The following CDCA5 variants were observed in gnomAD, a reference collection of about 807,000 sequenced individuals.
The protein encoded by CDCA5 is sororin.
CDCA5 carries 14 observed loss-of-function variants against 25.7 expected under a neutral mutation model. The ratio of observed to expected loss-of-function variants is 0.54; its 90% CI spans 0.36 to 0.85. The LOEUF (loss-of-function observed/expected upper bound fraction) is 0.85, where lower values mean the gene tolerates loss of function less well. Among genes scored for constraint, CDCA5 ranks in the 40% least tolerant of loss-of-function variants. The probability of loss-of-function intolerance (pLI) is 0.01; values close to 1 mark genes in which losing one functional copy is unlikely to be tolerated. For missense variants in CDCA5, 307 were observed against 324.5 expected, an observed-to-expected ratio of 0.95 and a Z score of 0.41; for synonymous variants, 127 against 128.7, an observed-to-expected ratio of 0.99 and a Z score of 0.09.
At chr11:65,061,793 A>AC (rs1456794022), downstream of CDCA5, among the ~76,000 whole-genome samples, 6 of 151,020 alleles carry the variant, frequency 4.0e-5, no homozygotes, top group African/African-American at 1.2e-4. Flanking sequence ...AAAAAAAAAA[A>AC]AACAAAAAAA....
Position 65,079,512 on chromosome 11 carries a change from C to T in CDCA5, c.519G>A (p.Gly173=), listed in dbSNP as rs145959973. 4,179 of 1,614,054 alleles carry T rather than the reference C, an allele frequency of 2.6e-3. 9 individuals are homozygous for T. The highest frequency in any genetic ancestry group is 3.4e-3 in the Non-Finnish European group (4,044 of 1,180,030). Residue 173 remains glycine, a synonymous_variant, in exon 5 of 6, where the codon GGG becomes GGA. Transcript: ENST00000275517. ...RSCFGFEGLL[G]AEDLSGVSPV... ...GCGAGACTCCGGACAAGTCTTCTGCCCCCAGCAGCCCCTCGAAGCCAAAGC... is the reference window on the plus strand; with the variant it reads ...GCGAGACTCCGGACAAGTCTTCTGCTCCCAGCAGCCCCTCGAAGCCAAAGC...
Position 65,066,874 on chromosome 11 carries a change from CGA to C in CDCA5, c.372_373del (p.Arg125GlyfsTer26). The C allele has an allele frequency of 4.7e-6, 6 of 1,289,310 alleles. No homozygotes were observed. Among genetic ancestry groups the C allele is most frequent in the Non-Finnish European group, 6.1e-6 (6 of 988,834 alleles). The allele number at this position is 1,289,310 out of a possible 1,614,324, so 79.9% of individuals were successfully genotyped here. A position where few individuals can be genotyped will look rare whatever the true frequency, so the allele number is the denominator to read the frequency against. On this transcript the variant is annotated frameshift_variant, in exon 5 of 7. Coordinates refer to the CDCA5 transcript ENST00000525464. LOFTEE classifies it high-confidence loss of function. ...CACTTGGGTGGTGTTCAGTGACTCC[CGA>C]AGCCTAGGGTTGAAAAACAGACCCC...
intron 1 of CDCA5, among the ~76,000 whole-genome samples, chr11:65,068,854 T>G (rs1947290864): frequency 6.6e-6 from 1 of 152,240 alleles, no homozygotes; most frequent in Non-Finnish European, 1.5e-5. Context: ...TGGGATATAC[T>G]TACACTAAAA....
intron 4 of CDCA5, among the ~76,000 whole-genome samples, chr11:65,080,326 C>T (rs1947540208): frequency 6.6e-6 from 1 of 152,234 alleles, no homozygotes; most frequent in Non-Finnish European, 1.5e-5. Context: ...GGTGCTGTCG[C>T]TTGTTTCCAA....
At chr11:65,081,721 T>A (rs1347416651) in intron 4 of CDCA5, among the ~76,000 whole-genome samples, 4 of 152,034 alleles carry the variant, frequency 2.6e-5, no homozygotes, top group Non-Finnish European at 5.9e-5. Flanking sequence ...ATCCCAACAC[T>A]TTAGGAGGCC....
chr11:65,064,791 C>G (rs572207095), downstream of CDCA5, among the ~76,000 whole-genome samples: 1,124 of 152,154 alleles, frequency 7.4e-3, 17 homozygotes, highest in Non-Finnish European at 8.1e-3. Context: ...CAGGCTGAGG[C>G]GGGAGGATTC....
chr11:65,062,398 C>A (rs1399577599), downstream of CDCA5, among the ~76,000 whole-genome samples: 1 of 152,176 alleles, frequency 6.6e-6, no homozygotes, highest in Non-Finnish European at 1.5e-5. Flanking sequence ...GCCATAGAGC[C>A]CTTCATGTCT....
At position 65,079,415 on chromosome 11, in the gene CDCA5, G is replaced by A. The variant is rs766423263; in HGVS notation, c.616C>T (p.Pro206Ser). 2.8e-5 allele frequency: 45 copies of A among 1,613,904 alleles called. No homozygotes were observed. The highest frequency in any genetic ancestry group is 4.0e-5 in the African/African-American group (3 of 74,868). The part of the protein sequence containing the change: ...AKPWAPDMTL[P>S]GISPPPEKQK... ...TTCTCGGGTGGTGGGGAGATTCCAG[G>A]GAGAGTCATGTCTGGGGCCCAGGGC... The change falls in exon 5 of 6, where the codon CCT becomes TCT. Residue 206 changes from proline (P) to serine (S), a missense_variant. By Grantham distance (74) the Pro-to-Ser change is moderately conservative. Coordinates refer to ENST00000275517, the MANE Select transcript of CDCA5 (RefSeq NM_080668.4).
chr11:65,078,090 GC>G lies in CDCA5; in HGVS notation c.*1016del, dbSNP rs1947482182. The G allele has an allele frequency of 2.0e-6, 2 of 985,392 alleles. No homozygotes were observed. The highest frequency in any genetic ancestry group is 2.4e-6 in the Non-Finnish European group (2 of 829,958). The allele number at this position is 985,392 out of a possible 1,614,324, so 61.0% of individuals were successfully genotyped here. A position where few individuals can be genotyped will look rare whatever the true frequency, so the allele number is the denominator to read the frequency against. Reference sequence around the variant, plus strand: ...AGGCCAAAAACTAAAATTGCTATCAGCCCCCGCCGCTGTCTGGTACGCGAGG... The same window carrying G: ...AGGCCAAAAACTAAAATTGCTATCAGCCCCGCCGCTGTCTGGTACGCGAGG... On this transcript the variant is annotated 3_prime_UTR_variant, in exon 6 of 6. Coordinates refer to ENST00000275517, the MANE Select transcript of CDCA5 (RefSeq NM_080668.4).
At chr11:65,081,920 G>T (rs1947575167) in intron 4 of CDCA5, among the ~76,000 whole-genome samples, 1 of 152,188 alleles carries the variant, frequency 6.6e-6, no homozygotes, top group African/African-American at 2.4e-5. Flanking sequence ...TCTCGCCACT[G>T]CACTCCAGCC....
intron 1 of CDCA5, chr11:65,068,621 G>C (rs564507883): frequency 3.2e-6 from 4 of 1,257,262 alleles, no homozygotes; most frequent in Non-Finnish European, 4.2e-6. Flanking sequence ...ACAGAAGCCT[G>C]CTAGTCACTC....
In CDCA5 at chr11:65,079,095, C is replaced by A. The variant is rs1367293718; in HGVS notation, c.*12G>T. 9.2e-6 allele frequency: 14 copies of A among 1,514,862 alleles called. No individual in the cohort carries two copies. Among genetic ancestry groups the A allele is most frequent in the Non-Finnish European group, 1.1e-5 (12 of 1,134,672 alleles). The allele number at this position is 1,514,862 out of a possible 1,614,324, so 93.8% of individuals were successfully genotyped here. A position where few individuals can be genotyped will look rare whatever the true frequency, so the allele number is the denominator to read the frequency against. On this transcript the variant is annotated 3_prime_UTR_variant, in exon 6 of 6. Transcript: ENST00000275517. ...GAGGGAGAGTCTGGCCAGGTGCACCCCCCACTGCATCTCATTCAACCAGGA... is the reference window on the plus strand; with the variant it reads ...GAGGGAGAGTCTGGCCAGGTGCACCACCCACTGCATCTCATTCAACCAGGA...
rs1341227939 is a variant in CDCA5, at chr11:65,079,207, GA to G, written c.679-21del. On this transcript the variant is annotated intron_variant, in intron 5 of 5. Transcript: ENST00000275517. ...CGTTTTCTGAGGGAAGAGAAATGAG[GA>G]GCAGGTGAGTGAGAAGGGAACATGG... 1.3e-6 allele frequency: 2 copies of G among 1,536,982 alleles called. No homozygotes were observed. Among genetic ancestry groups the G allele is most frequent in the Non-Finnish European group, 1.7e-6 (2 of 1,142,974 alleles).
At chr11:65,066,438 T>C (rs1947237394) in exon 7 of CDCA5, 1 of 1,274,294 alleles carries the variant, frequency 7.8e-7, no homozygotes, top group Non-Finnish European at 1.0e-6. Context: ...GTCAGGCAGC[T>C]TGAAGAGGAG....
chr11:65,062,042 T>C (rs1387949299), downstream of CDCA5, among the ~76,000 whole-genome samples: 10 of 147,782 alleles, frequency 6.8e-5, no homozygotes, highest in Non-Finnish European at 1.5e-4. Flanking sequence ...TGCCTCAGCC[T>C]CCTGAGTAGC....
At chr11:65,064,424 A>G, downstream of CDCA5, among the ~76,000 whole-genome samples, 1 of 151,922 alleles carries the variant, frequency 6.6e-6, no homozygotes. Flanking sequence ...TCGCAAAAAA[A>G]AAAAAAAAAA....
chr11:65,077,187 T>C (rs1947462731), downstream of CDCA5, among the ~76,000 whole-genome samples: 1 of 152,090 alleles, frequency 6.6e-6, no homozygotes, highest in South Asian at 2.1e-4. Context: ...CTTGGGAGGC[T>C]GAGGCAGGAG....
At chr11:65,073,043 C>T (rs185143170), downstream of CDCA5, among the ~76,000 whole-genome samples, 1,595 of 145,044 alleles carry the variant, frequency 0.011, 24 homozygotes, top group African/African-American at 0.038. Flanking sequence ...CGCCAGGGTT[C>T]AAGTGATTCT....
chr11:65,067,930 TG>T, intron 3 of CDCA5: 1 of 914,382 alleles, frequency 1.1e-6, no homozygotes, highest in Non-Finnish European at 1.5e-6. Flanking sequence ...GGGTGTGGGG[TG>T]GGGAGAAACA....
Sources: allele counts gnomAD v4.1 joint callset (sites outside exome capture counted in the v4.1 genomes callset), GRCh38; gene constraint gnomAD v4.1.1; transcripts MANE v1.5; gene names NCBI Gene and HGNC (gene_info 2026-07-23, HGNC 2026-07-21).